The following ADCY8 variants were observed in gnomAD, a reference collection of about 807,000 sequenced individuals.
ADCY8 encodes adenylate cyclase type 8.
A neutral mutation model predicts 119.7 loss-of-function variants in ADCY8; 51 were observed. The ratio of observed to expected loss-of-function variants is 0.43; its 90% CI spans 0.34 to 0.54. The LOEUF (loss-of-function observed/expected upper bound fraction) is 0.54. Ranked by LOEUF, ADCY8 falls within the 20% of genes least tolerant of loss-of-function variation. The pLI is 0.03. For synonymous variants in ADCY8, 665 were observed against 651.0 expected (o/e 1.02, Z -0.33); for missense variants, 1,383 against 1,598.8 (o/e 0.87, Z 2.30).
At chr8:130,918,830 G>A (rs1820209661) in intron 5 of ADCY8, among the ~76,000 whole-genome samples, 1 of 152,218 alleles carries the variant, frequency 6.6e-6, no homozygotes, top group South Asian at 2.1e-4. Flanking sequence ...GAAGGCCAAG[G>A]CGGGCAGATC....
At chr8:130,943,497 G>GGGGGGGGGGCCCCCCCC in intron 3 of ADCY8, 35 bp from the exon 4 acceptor site, 1 of 491,350 alleles carries the variant, frequency 2.0e-6, no homozygotes, top group East Asian at 5.4e-5. Flanking sequence ...GTGGGGGGAG[G>GGGGGGGGGGCCCCCCCC]AAGTATATTA....
intron 1 of ADCY8, among the ~76,000 whole-genome samples, chr8:131,022,230 C>T (rs564402631): frequency 3.7e-4 from 57 of 152,234 alleles, no homozygotes; most frequent in Non-Finnish European, 5.3e-4. Flanking sequence ...CCCATCAACC[C>T]GTCATCTACA....
At chr8:130,940,513 C>CA (rs1178277733) in intron 4 of ADCY8, among the ~76,000 whole-genome samples, 1 of 151,190 alleles carries the variant, frequency 6.6e-6, no homozygotes, top group Non-Finnish European at 1.5e-5. Flanking sequence ...TTATTTTATA[C>CA]AAAAAAATAA....
chr8:130,930,260 T>A (rs1349300842), intron 5 of ADCY8, among the ~76,000 whole-genome samples: 1 of 152,088 alleles, frequency 6.6e-6, no homozygotes, highest in Non-Finnish European at 1.5e-5. Context: ...TCTACATTTT[T>A]TTTTTTTTTG....
chr8:130,935,143 C>T (rs1820746507), intron 5 of ADCY8, among the ~76,000 whole-genome samples: 1 of 152,142 alleles, frequency 6.6e-6, no homozygotes, highest in South Asian at 2.1e-4. Context: ...TGGAAAGGTA[C>T]TAAAAAGATT....
chr8:130,889,383 A>C (rs972780382), intron 7 of ADCY8, among the ~76,000 whole-genome samples: 7 of 152,122 alleles, frequency 4.6e-5, no homozygotes, highest in African/African-American at 1.7e-4. Flanking sequence ...AATACACTTT[A>C]TTGAGATAAA....
intron 9 of ADCY8, among the ~76,000 whole-genome samples, chr8:130,850,326 G>A (rs1563691951): frequency 6.6e-6 from 1 of 151,930 alleles, no homozygotes; most frequent in African/African-American, 2.4e-5. Context: ...CTTGTCCAAG[G>A]CATCAGCATC....
At chr8:130,921,173 T>C (rs1262488360) in intron 5 of ADCY8, among the ~76,000 whole-genome samples, 1 of 152,198 alleles carries the variant, frequency 6.6e-6, no homozygotes. Context: ...TAGTAAAGAA[T>C]AAAGAAGAAA....
chr8:130,836,439 A>G lies in ADCY8; in HGVS notation c.2513T>C (p.Phe838Ser). 1.2e-6 allele frequency: 2 copies of G among 1,613,500 alleles called. No individual in the cohort carries two copies. Among genetic ancestry groups the G allele is most frequent in the South Asian group, 2.2e-5 (2 of 90,980 alleles). Residue 838 changes from phenylalanine to serine, a missense_variant, in exon 12 of 18, where the codon TTC becomes TCC. Around this residue, in one of 2 missense-constraint regions of ADCY8, gnomAD observed 928 missense variants for 1,163.5 expected, o/e 0.80. Coordinates refer to ENST00000286355, the MANE Select transcript of ADCY8 (RefSeq NM_001115.3). ...GGTCACCATGGCCAACACCCCCGTG[A>G]AGACAAAGTACTGGAAACAGAGAAT... The part of the protein sequence containing the change: ...DICSYPEYFV[F>S]TGVLAMVTCA...
intron 5 of ADCY8, among the ~76,000 whole-genome samples, chr8:130,913,434 A>T (rs1181466396): frequency 1.3e-5 from 2 of 152,078 alleles, no homozygotes; most frequent in African/African-American, 2.4e-5. Flanking sequence ...ATAAGTGCAA[A>T]CATGTGATGT....
intron 12 of ADCY8, among the ~76,000 whole-genome samples, chr8:130,833,286 A>G (rs1816894507): frequency 6.6e-6 from 1 of 152,186 alleles, no homozygotes; most frequent in Non-Finnish European, 1.5e-5. Context: ...AACCTGGGTA[A>G]TTGCTAACTT....
At chr8:130,809,938 G>A (rs531049206) in intron 14 of ADCY8, among the ~76,000 whole-genome samples, 2 of 152,212 alleles carry the variant, frequency 1.3e-5, no homozygotes, top group Non-Finnish European at 1.5e-5. Flanking sequence ...TGTACATTCG[G>A]TTCCTCTTTG....
At chr8:131,015,480 C>A (rs140827612) in intron 1 of ADCY8, among the ~76,000 whole-genome samples, 38 of 152,172 alleles carry the variant, frequency 2.5e-4, no homozygotes, top group African/African-American at 8.9e-4. Flanking sequence ...CAATTGCCTT[C>A]ATAAATCTGA....
intron 14 of ADCY8, among the ~76,000 whole-genome samples, chr8:130,803,732 A>T (rs1285966655): frequency 6.6e-6 from 1 of 152,250 alleles, no homozygotes; most frequent in Non-Finnish European, 1.5e-5. Context: ...TAGTAGTGGA[A>T]GAGAGGATCA....
At chr8:130,886,007 T>C (rs1586533020) in intron 7 of ADCY8, among the ~76,000 whole-genome samples, 1 of 152,080 alleles carries the variant, frequency 6.6e-6, no homozygotes, top group African/African-American at 2.4e-5. Context: ...CCAAGCCAGA[T>C]CTGCTGACTC....
chr8:130,798,104 T>C (rs1383970542), intron 15 of ADCY8, among the ~76,000 whole-genome samples: 1 of 152,180 alleles, frequency 6.6e-6, no homozygotes, highest in African/African-American at 2.4e-5. Flanking sequence ...TTAAATGATA[T>C]ATATTGAAAA....
At chr8:131,015,523 A>G (rs771580682) in intron 1 of ADCY8, among the ~76,000 whole-genome samples, 10 of 152,230 alleles carry the variant, frequency 6.6e-5, no homozygotes, top group Non-Finnish European at 1.3e-4. Flanking sequence ...GAGAAGATAT[A>G]AACAAATCAA....
chr8:130,829,483 G>GATCTCTTGTATGA (rs754000927), intron 12 of ADCY8, among the ~76,000 whole-genome samples: 8,734 of 152,224 alleles, frequency 0.057, 392 homozygotes, highest in East Asian at 0.23. Context: ...GAGATTTTAT[G>GATCTCTTGTATGA]TAAGAAAGGA....
chr8:130,849,894 C>A (rs1817461685), intron 9 of ADCY8, 91 bp from the exon 10 acceptor site: 2 of 1,027,708 alleles, frequency 1.9e-6, no homozygotes, highest in African/African-American at 1.6e-5. Context: ...CCATCCCTTG[C>A]ATCGGATACT....
Sources: allele counts gnomAD v4.1 joint callset (sites outside exome capture counted in the v4.1 genomes callset), GRCh38; gene constraint gnomAD v4.1.1; regional missense constraint gnomAD v4.1.1; transcripts MANE v1.5; gene names NCBI Gene and HGNC (gene_info 2026-07-23, HGNC 2026-07-21).